Variants in SYTL3 observed in about 807,000 individuals in gnomAD.
SYTL3 encodes the protein synaptotagmin-like protein 3.
In SYTL3, 88 loss-of-function variants were observed where a neutral mutation model predicts 82.1. The ratio of observed to expected loss-of-function variants is 1.07; its 90% CI spans 0.90 to 1.28. The LOEUF (loss-of-function observed/expected upper bound fraction) is 1.28, where lower values mean the gene tolerates loss of function less well. Ranked by LOEUF, SYTL3 falls within the 50% of genes most tolerant of loss-of-function variation. The pLI, the probability that SYTL3 is intolerant of heterozygous loss-of-function variation, is 0.00. For missense variants in SYTL3, 831 were observed against 757.6 expected (o/e 1.10, Z -1.14); for synonymous variants, 311 against 289.4 (o/e 1.07, Z -0.76).
In SYTL3 at chr6:158,745,641, G is replaced by A. The variant is rs1470289325; in HGVS notation, c.1017G>A (p.Lys339=). 3 of 1,594,054 alleles carry A rather than the reference G, an allele frequency of 1.9e-6. No individual in the cohort carries two copies. Among genetic ancestry groups the A allele is most frequent in the Admixed American group, 1.8e-5 (1 of 54,508 alleles). ...AGAACCTTGCCTATGGAGAAGAAAAGAAGAAAAAGTGCAATCCGTAAGTTG... is the reference window on the plus strand; with the variant it reads ...AGAACCTTGCCTATGGAGAAGAAAAAAAGAAAAAGTGCAATCCGTAAGTTG... The part of the protein sequence containing the change: ...ACKNLAYGEE[K]KKKCNPYVKT... The change falls in exon 12 of 18, where the codon AAG becomes AAA. Residue 339 remains lysine (K), a synonymous_variant. Coordinates refer to ENST00000611299, the MANE Select transcript of SYTL3 (RefSeq NM_001242394.2).
At chr6:158,730,803 A>C (rs1785302139) in intron 11 of SYTL3, among the ~76,000 whole-genome samples, 1 of 152,104 alleles carries the variant, frequency 6.6e-6, no homozygotes, top group Admixed American at 6.5e-5. Flanking sequence ...TGGTTAGGAC[A>C]TACCTAGGTA....
intron 10 of SYTL3, among the ~76,000 whole-genome samples, chr6:158,722,023 G>C (rs1431433040): frequency 6.6e-6 from 1 of 152,154 alleles, no homozygotes; most frequent in Non-Finnish European, 1.5e-5. Flanking sequence ...ATTTTCATCA[G>C]ATTATTAATA....
At chr6:158,700,471 G>A (rs1428268935) in intron 6 of SYTL3, among the ~76,000 whole-genome samples, 1 of 151,900 alleles carries the variant, frequency 6.6e-6, no homozygotes, top group African/African-American at 2.4e-5. Flanking sequence ...TAATTAATGT[G>A]AATGAATTAA....
intron 6 of SYTL3, among the ~76,000 whole-genome samples, chr6:158,700,053 C>T (rs1018053308): frequency 5.9e-5 from 9 of 151,884 alleles, no homozygotes; most frequent in Non-Finnish European, 2.9e-5. Flanking sequence ...GTCAGGAGTT[C>T]GAGACCAGCC....
At chr6:158,657,425 C>CATA (rs771896465) in intron 2 of SYTL3, among the ~76,000 whole-genome samples, 1 of 80,114 alleles carries the variant, frequency 1.2e-5, no homozygotes, top group African/African-American at 5.1e-5. Flanking sequence ...GACTCTGGCT[C>CATA]AAAAAAAAAA....
chr6:158,704,729 TA>T (rs1781792003), intron 6 of SYTL3, among the ~76,000 whole-genome samples: 1 of 152,222 alleles, frequency 6.6e-6, no homozygotes, highest in Admixed American at 6.5e-5. Context: ...TTCCAGGTGG[TA>T]GTGTGATAGC....
chr6:158,764,468 T>C (rs1037621724), intron 17 of SYTL3, 27 bp from the exon 18 acceptor site: 2 of 1,567,620 alleles, frequency 1.3e-6, no homozygotes, highest in Non-Finnish European at 1.8e-6. Flanking sequence ...TCCCCGACCA[T>C]GGCTAAATTG....
rs1268353794 is a variant in SYTL3, at chr6:158,678,002, A to G, written c.330-4923A>G. Among the ~76,000 whole-genome samples the G allele has an allele frequency of 3.3e-5, 5 of 152,150 alleles. No homozygotes were observed. In the East Asian group the frequency reaches 5.8e-4, roughly 18 times the overall value. On this transcript the variant is annotated intron_variant, in intron 5 of 17. Coordinates refer to ENST00000611299, the MANE Select transcript of SYTL3 (RefSeq NM_001242394.2). ...CCTCCTGGGCTCAAGCAGTCCTCCC[A>G]CTTCAGCCTCCTGAGGAGCTGGGAC...
chr6:158,684,098 T>C (rs1245215084), intron 6 of SYTL3, among the ~76,000 whole-genome samples: 1 of 152,174 alleles, frequency 6.6e-6, no homozygotes, highest in Non-Finnish European at 1.5e-5. Context: ...TTTACGGAAA[T>C]ACCCGTAATT....
intron 5 of SYTL3, among the ~76,000 whole-genome samples, chr6:158,666,236 A>G (rs1790038908): frequency 6.6e-6 from 1 of 152,202 alleles, no homozygotes; most frequent in Admixed American, 6.5e-5. Flanking sequence ...TCTAGGGAAT[A>G]TTGGAGTAAT....
In SYTL3 at chr6:158,764,463, G is replaced by A. The variant is rs376266363; in HGVS notation, c.1724-32G>A. 156 of 1,552,906 alleles carry A rather than the reference G, an allele frequency of 1.0e-4. No homozygotes were observed. In the African/African-American group the frequency reaches 1.2e-3, roughly 12 times the overall value. ...GAGGGGATGAAGTGGTGCCCTCCCC[G>A]ACCATGGCTAAATTGTCTTCCTCTC... On this transcript the variant is annotated intron_variant, in intron 17 of 17. Coordinates refer to ENST00000611299, the MANE Select transcript of SYTL3 (RefSeq NM_001242394.2).
At chr6:158,753,526 C>G (rs1230102231) in intron 13 of SYTL3, among the ~76,000 whole-genome samples, 1 of 151,406 alleles carries the variant, frequency 6.6e-6, no homozygotes. Flanking sequence ...GTCAGGAGAT[C>G]GAGACCATCC....
chr6:158,761,349 C>T (rs1583520595), intron 15 of SYTL3, among the ~76,000 whole-genome samples: 1 of 147,010 alleles, frequency 6.8e-6, no homozygotes, highest in African/African-American at 2.5e-5. Flanking sequence ...GTCACCCAGG[C>T]TGGAGTGCAG....
intron 17 of SYTL3, among the ~76,000 whole-genome samples, chr6:158,763,995 GACA>G (rs773154896): frequency 1.3e-5 from 2 of 152,176 alleles, no homozygotes; most frequent in Non-Finnish European, 2.9e-5. Flanking sequence ...CTGACATGAT[GACA>G]ACCAAAAACA....
At chr6:158,763,103 C>T (rs560211219) in intron 16 of SYTL3, among the ~76,000 whole-genome samples, 3 of 152,316 alleles carry the variant, frequency 2.0e-5, no homozygotes, top group South Asian at 2.1e-4. Context: ...GCATGCAGCT[C>T]GCCCTTCATA....
intron 11 of SYTL3, among the ~76,000 whole-genome samples, chr6:158,729,812 C>T (rs1170644459): frequency 2.6e-5 from 4 of 151,856 alleles, no homozygotes; most frequent in South Asian, 2.1e-4. Flanking sequence ...GTGATCCGCT[C>T]GCCTTGGCCT....
intron 2 of SYTL3, among the ~76,000 whole-genome samples, chr6:158,658,642 C>T (rs920808896): frequency 5.9e-5 from 9 of 152,074 alleles, no homozygotes; most frequent in African/African-American, 1.2e-4. Context: ...AAGAGTACGT[C>T]GGCCAGGCGC....
At position 158,725,585 on chromosome 6, in the gene SYTL3, A is replaced by C; in HGVS notation, c.803A>C (p.Asn268Thr). 1 of 1,614,042 alleles carries C rather than the reference A, an allele frequency of 6.2e-7. No individual in the cohort carries two copies. Among genetic ancestry groups the C allele is most frequent in the Non-Finnish European group, 8.5e-7 (1 of 1,180,018 alleles). Residue 268 changes from asparagine (N) to threonine (T), a missense_variant, in exon 11 of 18, where the codon AAT becomes ACT. Coordinates refer to ENST00000611299, the MANE Select transcript of SYTL3 (RefSeq NM_001242394.2). The stretch of plus-strand genomic sequence containing the variant: ...ACTAACCCTATTTTGAAGCAACAGA[A>C]TCTCCCATCCAGTCCGGCACCCAGT... Reference protein sequence around the residue: ...CSTNPILKQQNLPSSPAPSTI... With the variant: ...CSTNPILKQQTLPSSPAPSTI...
In SYTL3 at chr6:158,663,225, G is replaced by A; in HGVS notation, c.-44G>A. ...TGCAGGGCGTGAGCGCTTGGTCCAT[G>A]CAGTGAAGCTCTTCCAACCTGGGTC... On this transcript the variant is annotated 5_prime_UTR_variant, in exon 4 of 18. An upstream start codon of the reference 5' UTR is lost. Coordinates refer to ENST00000611299, the MANE Select transcript of SYTL3 (RefSeq NM_001242394.2). 1 of 1,584,534 alleles carries A rather than the reference G, an allele frequency of 6.3e-7. No individual in the cohort carries two copies. Among genetic ancestry groups the A allele is most frequent in the Non-Finnish European group, 8.7e-7 (1 of 1,153,348 alleles).
Sources: allele counts gnomAD v4.1 joint callset (sites outside exome capture counted in the v4.1 genomes callset), GRCh38; gene constraint gnomAD v4.1.1; transcripts MANE v1.5; gene names NCBI Gene and HGNC (gene_info 2026-07-23, HGNC 2026-07-21).